Variants in TAF4B observed in about 807,000 individuals in gnomAD.
TAF4B encodes the protein transcription initiation factor TFIID subunit 4B.
In TAF4B, 38 loss-of-function variants were observed where a neutral mutation model predicts 86.4. The ratio of observed to expected loss-of-function variants is 0.44; its 90% CI spans 0.34 to 0.58. TAF4B has a LOEUF of 0.58. Ranked by LOEUF, TAF4B falls within the 20% of genes least tolerant of loss-of-function variation. TAF4B has a pLI of 0.02. For missense variants in TAF4B, 988 were observed against 1,027.6 expected, an observed-to-expected ratio of 0.96 and a Z score of 0.53; for synonymous variants, 388 against 391.2, an observed-to-expected ratio of 0.99 and a Z score of 0.10.
chr18:26,287,484 T>C (rs2056539452), intron 7 of TAF4B, among the ~76,000 whole-genome samples: 1 of 152,206 alleles, frequency 6.6e-6, no homozygotes, highest in African/African-American at 2.4e-5. Flanking sequence ...GTTTGTCGAT[T>C]AGTGTTTAGA....
intron 5 of TAF4B, among the ~76,000 whole-genome samples, chr18:26,277,688 A>C (rs772861145): frequency 2.6e-5 from 4 of 152,114 alleles, no homozygotes; most frequent in African/African-American, 9.7e-5. Context: ...ATCATGGTGG[A>C]TATTCTTTAG....
chr18:26,250,105 G>A (rs1415821764), intron 1 of TAF4B, among the ~76,000 whole-genome samples: 1 of 151,884 alleles, frequency 6.6e-6, no homozygotes, highest in East Asian at 1.9e-4. Flanking sequence ...GCTCGAACAT[G>A]GCTCACTGCA....
At chr18:26,291,237 G>C (rs2056588540) in intron 7 of TAF4B, among the ~76,000 whole-genome samples, 1 of 152,050 alleles carries the variant, frequency 6.6e-6, no homozygotes, top group South Asian at 2.1e-4. Context: ...TCAAATACAT[G>C]ATGACTGTTT....
intron 1 of TAF4B, among the ~76,000 whole-genome samples, chr18:26,263,897 C>CT (rs1173721631): frequency 1.3e-5 from 2 of 152,100 alleles, no homozygotes; most frequent in African/African-American, 4.8e-5. Context: ...TCTACATTGT[C>CT]TAAGAGTTTA....
At chr18:26,372,199 T>C (rs2057410093) in intron 14 of TAF4B, among the ~76,000 whole-genome samples, 1 of 152,172 alleles carries the variant, frequency 6.6e-6, no homozygotes, top group African/African-American at 2.4e-5. Flanking sequence ...TGGAAGCTAC[T>C]AGAATGGTGT....
chr18:26,227,813 G>A (rs1047799364), intron 1 of TAF4B, among the ~76,000 whole-genome samples: 2 of 152,196 alleles, frequency 1.3e-5, no homozygotes, highest in Admixed American at 1.3e-4. Context: ...CACCGCGTAC[G>A]GCCTAACAGT....
At chr18:26,311,199 C>T (rs1264207909) in intron 9 of TAF4B, among the ~76,000 whole-genome samples, 9 of 152,168 alleles carry the variant, frequency 5.9e-5, no homozygotes, top group Non-Finnish European at 1.5e-5. Flanking sequence ...ACTACCATAA[C>T]AGAGACAAAC....
At chr18:26,368,310 A>G (rs1055801364) in intron 14 of TAF4B, among the ~76,000 whole-genome samples, 1 of 152,210 alleles carries the variant, frequency 6.6e-6, no homozygotes, top group African/African-American at 2.4e-5. Flanking sequence ...TTGAAATACT[A>G]AGCCTGAAAT....
chr18:26,339,757 G>A (rs552134282), intron 13 of TAF4B, among the ~76,000 whole-genome samples: 179 of 152,212 alleles, frequency 1.2e-3, no homozygotes, highest in African/African-American at 4.0e-3. Context: ...TCTGGCCCTC[G>A]GTATTTTCTT....
chr18:26,373,805 AC>A (rs2057422877), intron 14 of TAF4B, among the ~76,000 whole-genome samples: 1 of 151,868 alleles, frequency 6.6e-6, no homozygotes, highest in African/African-American at 2.4e-5. Context: ...CCCTCTGTTC[AC>A]CCAGTGTTAC....
chr18:26,285,210 C>CTTTCCTTTTTTTTTTTTTTTTTT (rs2056496143), intron 6 of TAF4B, among the ~76,000 whole-genome samples: 1 of 42,516 alleles, frequency 2.4e-5, no homozygotes, highest in Admixed American at 3.2e-4. Context: ...TCTTCCTTTC[C>CTTTCCTTTTTTTTTTTTTTTTTT]TTTTTTTTTT....
rs1402455682 is a variant in TAF4B at position 26,226,883 on chromosome 18, A to C, written c.-51A>C. On this transcript the variant is annotated 5_prime_UTR_variant, in exon 1 of 15. Transcript: ENST00000269142. ...GCTGCCGCGCGCCAAGCCTCCCCTC[A>C]CCTCTGCTCCCGGAACCGCAGCGCC... The C allele has an allele frequency of 3.8e-6, 5 of 1,316,722 alleles. No individual in the cohort carries two copies. The highest frequency in any genetic ancestry group is 2.8e-4 in the Middle Eastern group (1 of 3,608). The allele number at this position is 1,316,722 out of a possible 1,614,324, so 81.6% of individuals were successfully genotyped here.
intron 14 of TAF4B, among the ~76,000 whole-genome samples, chr18:26,371,627 C>G (rs1184644395): frequency 6.6e-6 from 1 of 152,190 alleles, no homozygotes; most frequent in Non-Finnish European, 1.5e-5. Context: ...TTGATATTGG[C>G]TAGGTGATCA....
chr18:26,345,763 A>G (rs1386497099), intron 13 of TAF4B, among the ~76,000 whole-genome samples: 1 of 152,164 alleles, frequency 6.6e-6, no homozygotes, highest in Non-Finnish European at 1.5e-5. Context: ...TACATCAAAC[A>G]TGAAAAAACT....
At position 26,318,759 on chromosome 18, in the gene TAF4B, G is replaced by A. The variant is rs149086748; in HGVS notation, c.2003-2311G>A. Among the ~76,000 whole-genome samples the A allele has an allele frequency of 1.8e-3, 268 of 152,272 alleles. 1 individual carries two copies. The highest frequency in any genetic ancestry group is 6.3e-3 in the African/African-American group (260 of 41,556). ...AGTTGTATTTTATTACCAATTTAGT[G>A]AAGACATTACAACATTTGGTTGTTC... is the stretch of plus-strand genomic sequence containing the variant. On this transcript the variant is annotated intron_variant, in intron 10 of 14. Transcript: ENST00000269142.
chr18:26,292,603 C>T lies in TAF4B; in HGVS notation c.1726+222C>T, dbSNP rs561656182. 2.2e-3 allele frequency among the ~76,000 whole-genome samples: 331 copies of T among 152,302 alleles called. 3 individuals carry two copies. Among genetic ancestry groups the T allele is most frequent in the African/African-American group, 7.7e-3 (321 of 41,562 alleles). On this transcript the variant is annotated intron_variant, in intron 8 of 14. Coordinates refer to ENST00000269142, the MANE Select transcript of TAF4B (RefSeq NM_005640.3). ...GTGGCATGATCTCAGCTCACTGCAA[C>T]CTCCACCTCCCAGGTTTAAGCAATT...
chr18:26,347,439 T>C (rs889453629), intron 13 of TAF4B, among the ~76,000 whole-genome samples: 6 of 150,908 alleles, frequency 4.0e-5, no homozygotes, highest in Non-Finnish European at 5.9e-5. Flanking sequence ...AAAAGAGAAA[T>C]AGAAAGGAAT....
chr18:26,321,390 G>T (rs2126878), intron 11 of TAF4B, among the ~76,000 whole-genome samples, 190 bp downstream of exon 11: 8,664 of 152,172 alleles, frequency 0.057, 330 homozygotes, highest in Middle Eastern at 0.11. Flanking sequence ...AGTTTAAAAT[G>T]ATATTAAAAG....
At chr18:26,361,118 A>G (rs963778794) in intron 14 of TAF4B, among the ~76,000 whole-genome samples, 1 of 152,006 alleles carries the variant, frequency 6.6e-6, no homozygotes, top group African/African-American at 2.4e-5. Flanking sequence ...ATAATTAAGT[A>G]GTGTTAAACA....
Sources: gnomAD v4.1 joint callset for allele counts (sites outside exome capture counted in the v4.1 genomes callset) on GRCh38, gnomAD v4.1.1 for gene constraint, MANE v1.5 for transcripts, NCBI Gene and HGNC (gene_info 2026-07-23, HGNC 2026-07-21) for gene names.